CADM1: variants seen among roughly 807,000 people sequenced by gnomAD.
The protein encoded by CADM1 is cell adhesion molecule 1.
Under a neutral mutation model 53.1 loss-of-function variants are expected in CADM1, and 15 were observed. The observed-to-expected ratio is 0.28, with a 90% CI of 0.19 to 0.44. The LOEUF is 0.44. Ranked by LOEUF, CADM1 falls within the 20% of genes least tolerant of loss-of-function variation. The pLI is 1.00. For synonymous variants in CADM1, 281 were observed against 243.0 expected (o/e 1.16, Z -1.45); for missense variants, 434 against 611.3 (o/e 0.71, Z 3.06).
At chr11:115,388,502 A>G (rs193016931) in intron 1 of CADM1, among the ~76,000 whole-genome samples, 5 of 152,270 alleles carry the variant, frequency 3.3e-5, no homozygotes, top group African/African-American at 4.8e-5. Context: ...TAGTAACTAT[A>G]CAGTAGAAAA....
intron 10 of CADM1, among the ~76,000 whole-genome samples, chr11:115,185,461 G>A (rs574654051): frequency 5.3e-5 from 8 of 152,314 alleles, no homozygotes; most frequent in South Asian, 4.1e-4. Context: ...TTCAGGTTTC[G>A]ATTCGGGTGT....
intron 1 of CADM1, among the ~76,000 whole-genome samples, chr11:115,278,443 A>G (rs995739590): frequency 6.6e-6 from 1 of 152,210 alleles, no homozygotes; most frequent in African/African-American, 2.4e-5. Context: ...GATCATATGA[A>G]TATTTCAGAA....
At chr11:115,495,977 TC>T (rs955846320) in intron 1 of CADM1, among the ~76,000 whole-genome samples, 8 of 152,190 alleles carry the variant, frequency 5.3e-5, no homozygotes, top group African/African-American at 1.7e-4. Context: ...TCTTCCTACT[TC>T]TAAAGGACTT....
chr11:115,346,889 A>C (rs1270064398), intron 1 of CADM1, among the ~76,000 whole-genome samples: 1 of 152,214 alleles, frequency 6.6e-6, no homozygotes, highest in African/African-American at 2.4e-5. Context: ...TTTGACCCAG[A>C]TCAGACTATG....
intron 1 of CADM1, among the ~76,000 whole-genome samples, chr11:115,262,356 A>G (rs752178493): frequency 1.4e-4 from 21 of 152,258 alleles, no homozygotes; most frequent in Non-Finnish European, 7.3e-5. Flanking sequence ...AATGTAAGTC[A>G]TAAGTATGTT....
chr11:115,333,029 C>T (rs1220572639), intron 1 of CADM1, among the ~76,000 whole-genome samples: 3 of 152,112 alleles, frequency 2.0e-5, no homozygotes, highest in Admixed American at 6.6e-5. Context: ...CAGACTAGAA[C>T]GTCCAATTGC....
chr11:115,436,495 C>T (rs1457909176), intron 1 of CADM1, among the ~76,000 whole-genome samples: 2 of 152,190 alleles, frequency 1.3e-5, no homozygotes, highest in Non-Finnish European at 2.9e-5. Context: ...CTATGTTCCA[C>T]GTTCCCTTGT....
intron 1 of CADM1, among the ~76,000 whole-genome samples, chr11:115,455,197 C>T (rs1235472205): frequency 6.6e-6 from 1 of 152,022 alleles, no homozygotes; most frequent in East Asian, 1.9e-4. Flanking sequence ...TTGAGGTTTC[C>T]TTCGTTTCCA....
At chr11:115,466,112 A>G (rs1274964202) in intron 1 of CADM1, among the ~76,000 whole-genome samples, 1 of 151,368 alleles carries the variant, frequency 6.6e-6, no homozygotes, top group Non-Finnish European at 1.5e-5. Context: ...AAAAGCTATG[A>G]AAAAAAAACT....
rs150627524 is a variant in CADM1, at chr11:115,238,928, G to T, written c.272-276C>A. On this transcript the variant is annotated intron_variant, in intron 2 of 11. Transcript: ENST00000331581. ...CCCAGCTACGCACCCTTCTAACTTG[G>T]CACAATTCCAAATGCTGTCAGTTTT... is the stretch of plus-strand genomic sequence containing the variant. Among the ~76,000 whole-genome samples the T allele has an allele frequency of 7.3e-3, 1,106 of 151,848 alleles. 16 individuals are homozygous for T. The highest frequency in any genetic ancestry group is 0.026 in the African/African-American group (1,065 of 41,394).
chr11:115,488,501 G>A (rs575978965), intron 1 of CADM1, among the ~76,000 whole-genome samples: 4 of 152,286 alleles, frequency 2.6e-5, no homozygotes, highest in African/African-American at 9.6e-5. Context: ...ATACATCAGT[G>A]TTACAAACGC....
At chr11:115,491,573 A>G (rs974660610) in intron 1 of CADM1, among the ~76,000 whole-genome samples, 5 of 152,164 alleles carry the variant, frequency 3.3e-5, no homozygotes, top group South Asian at 2.1e-4. Flanking sequence ...CTCAAAAAAA[A>G]AAGAAAATAA....
intron 1 of CADM1, among the ~76,000 whole-genome samples, chr11:115,331,278 CTAACAT>C (rs1213812194): frequency 1.3e-5 from 2 of 152,244 alleles, no homozygotes; most frequent in Non-Finnish European, 2.9e-5. Context: ...AAACTTCTCA[CTAACAT>C]TATGTTCAGT....
intron 2 of CADM1, among the ~76,000 whole-genome samples, chr11:115,239,091 ACTAGGGC>A (rs1942119989): frequency 6.6e-6 from 1 of 152,178 alleles, no homozygotes; most frequent in Non-Finnish European, 1.5e-5. Flanking sequence ...AAGTTCAGGG[ACTAGGGC>A]CTACAGCCTT....
chr11:115,296,411 G>C (rs1361396247), intron 1 of CADM1, among the ~76,000 whole-genome samples: 4 of 152,104 alleles, frequency 2.6e-5, no homozygotes, highest in Admixed American at 2.6e-4. Flanking sequence ...TGGGCTATGA[G>C]GGCAGATCCC....
At chr11:115,365,996 G>A (rs988482110) in intron 1 of CADM1, among the ~76,000 whole-genome samples, 8 of 152,170 alleles carry the variant, frequency 5.3e-5, no homozygotes, top group African/African-American at 1.7e-4. Flanking sequence ...TTATGTATGA[G>A]GGCCATTGCC....
chr11:115,188,519 C>T (rs890909415), intron 10 of CADM1, among the ~76,000 whole-genome samples: 1 of 151,812 alleles, frequency 6.6e-6, no homozygotes, highest in Non-Finnish European at 1.5e-5. Flanking sequence ...TGGGGGAGGT[C>T]GGGGCAAAGG....
At chr11:115,356,252 T>A (rs1945867468) in intron 1 of CADM1, among the ~76,000 whole-genome samples, 2 of 148,340 alleles carry the variant, frequency 1.3e-5, no homozygotes, top group South Asian at 4.2e-4. Context: ...ATATATATTA[T>A]ATAATACATA....
At chr11:115,390,892 A>C (rs745639690) in intron 1 of CADM1, among the ~76,000 whole-genome samples, 13 of 152,206 alleles carry the variant, frequency 8.5e-5, no homozygotes. Flanking sequence ...AATAATTAAA[A>C]TTCTTTTGCC....
Sources: allele counts gnomAD v4.1 joint callset (sites outside exome capture counted in the v4.1 genomes callset), GRCh38; gene constraint gnomAD v4.1.1; transcripts MANE v1.5; gene names NCBI Gene and HGNC (gene_info 2026-07-23, HGNC 2026-07-21).